The following GPHN variants were observed in gnomAD, a reference collection of about 807,000 sequenced individuals.
GPHN encodes gephyrin.
Under a neutral mutation model 95.5 loss-of-function variants are expected in GPHN, and 17 were observed. The ratio of observed to expected loss-of-function variants is 0.18; its 90% CI spans 0.12 to 0.27. GPHN has a LOEUF of 0.27. GPHN is among the 10% of genes least tolerant of loss of function. The probability of loss-of-function intolerance (pLI) is 1.00; values close to 1 mark genes in which losing one functional copy is unlikely to be tolerated. For missense variants in GPHN, 660 were observed against 978.1 expected (o/e 0.67, Z 4.34); for synonymous variants, 320 against 322.5 (o/e 0.99, Z 0.08).
At chr14:66,879,885 T>C in intron 4 of GPHN, 54 bp from the exon 5 acceptor site, 1 of 1,120,072 alleles carries the variant, frequency 8.9e-7, no homozygotes, top group Non-Finnish European at 1.4e-6. Context: ...CTAGTCTGAC[T>C]TCATTCTTTT....
At chr14:67,367,936 C>T in the GPHN span, among the ~76,000 whole-genome samples, 6 of 151,880 alleles carry the variant, frequency 4.0e-5, no homozygotes, top group African/African-American at 1.5e-4. Context: ...CTATTTTTGC[C>T]CTTCTTAGTT....
the GPHN span, among the ~76,000 whole-genome samples, chr14:67,665,959 G>A: frequency 6.6e-6 from 1 of 152,152 alleles, no homozygotes; most frequent in Non-Finnish European, 1.5e-5. Flanking sequence ...TGTTCCTGAG[G>A]GGGATGTGTT....
chr14:66,603,588 T>A lies in GPHN; in HGVS notation c.65-77519T>A, dbSNP rs566076001. ...TGCTAAGTATTTTTATGTAGCTTTT[T>A]ATACACAATTCCTATTTTTGTATGG... On this transcript the variant is annotated intron_variant, in intron 1 of 22. Transcript: ENST00000478722. Among the ~76,000 whole-genome samples, 6 of 152,154 alleles carry A rather than the reference T, an allele frequency of 3.9e-5. 1 individual carries two copies. The South Asian group carries it at 1.2e-3, about 32-fold the overall frequency.
At chr14:67,497,435 C>T in the GPHN span, among the ~76,000 whole-genome samples, 5 of 152,008 alleles carry the variant, frequency 3.3e-5, no homozygotes, top group African/African-American at 9.7e-5. Flanking sequence ...GAAGAACTGA[C>T]GGGCAGCTCC....
chr14:67,007,952 T>C (rs1441379265), intron 9 of GPHN, among the ~76,000 whole-genome samples: 3 of 152,038 alleles, frequency 2.0e-5, no homozygotes. Flanking sequence ...ATTTAAAGGG[T>C]AGGTCACTTG....
At chr14:66,654,881 C>T (rs960409189) in intron 1 of GPHN, among the ~76,000 whole-genome samples, 1 of 152,126 alleles carries the variant, frequency 6.6e-6, no homozygotes, top group East Asian at 1.9e-4. Context: ...TGCTCCAGCA[C>T]CATTTGTTGA....
intron 4 of GPHN, among the ~76,000 whole-genome samples, chr14:66,834,119 A>G (rs1485617351): frequency 2.0e-5 from 3 of 152,050 alleles, no homozygotes; most frequent in African/African-American, 7.2e-5. Context: ...ACTTGTCCTA[A>G]TTTTGCTCTT....
At chr14:67,402,134 A>C in the GPHN span, among the ~76,000 whole-genome samples, 1 of 152,170 alleles carries the variant, frequency 6.6e-6, no homozygotes, top group African/African-American at 2.4e-5. Flanking sequence ...AGTCCATCTC[A>C]AACAACAACA....
intron 10 of GPHN, among the ~76,000 whole-genome samples, chr14:67,049,548 C>T (rs551300892): frequency 2.1e-5 from 3 of 145,136 alleles, no homozygotes; most frequent in Admixed American, 1.4e-4. Flanking sequence ...GAGTCTCGCT[C>T]TGTTGCCAGG....
intron 21 of GPHN, among the ~76,000 whole-genome samples, 192 bp from the exon 22 acceptor site, chr14:67,179,385 CA>C (rs1011745043): frequency 6.6e-6 from 1 of 151,464 alleles, no homozygotes; most frequent in Non-Finnish European, 1.5e-5. Context: ...GACCTTGTGT[CA>C]AAAGAAAAAA....
intron 1 of GPHN, among the ~76,000 whole-genome samples, chr14:66,632,202 A>T (rs2063843634): frequency 6.6e-6 from 1 of 152,164 alleles, no homozygotes. Context: ...AGATAGTGTA[A>T]GTGATGCACT....
chr14:66,709,928 TAA>T (rs372126699), intron 2 of GPHN, among the ~76,000 whole-genome samples: 1 of 143,482 alleles, frequency 7.0e-6, no homozygotes. Flanking sequence ...TTGATGCCAT[TAA>T]AAAAAAAAAA....
intron 1 of GPHN, among the ~76,000 whole-genome samples, chr14:66,629,696 T>G (rs986666724): frequency 2.6e-5 from 4 of 152,200 alleles, no homozygotes; most frequent in Non-Finnish European, 5.9e-5. Context: ...ACCACAGTCA[T>G]GTAGGAATGC....
intron 4 of GPHN, among the ~76,000 whole-genome samples, chr14:66,848,519 C>T (rs1489652009): frequency 6.6e-6 from 1 of 152,050 alleles, no homozygotes; most frequent in South Asian, 2.1e-4. Flanking sequence ...CTTTTACCAA[C>T]AAGAAAACTG....
At chr14:66,894,833 G>A (rs1304769848) in intron 5 of GPHN, among the ~76,000 whole-genome samples, 1 of 152,162 alleles carries the variant, frequency 6.6e-6, no homozygotes, top group Non-Finnish European at 1.5e-5. Flanking sequence ...AGTTAGAATG[G>A]CGATCATTAA....
chr14:67,678,274 T>C, the GPHN span: 1 of 1,169,402 alleles, frequency 8.6e-7, no homozygotes, highest in African/African-American at 1.5e-5. Flanking sequence ...CAAGAAGTAC[T>C]GTGTAGTCTG....
chr14:67,113,281 G>A (rs1030238324), intron 16 of GPHN, 110 bp downstream of exon 16: 7 of 1,003,210 alleles, frequency 7.0e-6, no homozygotes, highest in African/African-American at 3.2e-5. Context: ...GATCATACCA[G>A]TGGATCCACA....
At chr14:67,061,241 A>G (rs1390704174) in intron 11 of GPHN, among the ~76,000 whole-genome samples, 3 of 152,012 alleles carry the variant, frequency 2.0e-5, no homozygotes, top group East Asian at 1.9e-4. Flanking sequence ...GGGTTTCTCC[A>G]TGTTGGTCAG....
At chr14:66,595,122 G>A (rs2061918286) in intron 1 of GPHN, among the ~76,000 whole-genome samples, 3 of 152,140 alleles carry the variant, frequency 2.0e-5, no homozygotes, top group Admixed American at 2.0e-4. Flanking sequence ...CTGTTAGAGT[G>A]GCTACTTTAA....
Sources: allele counts gnomAD v4.1 joint callset (sites outside exome capture counted in the v4.1 genomes callset), GRCh38; gene constraint gnomAD v4.1.1; transcripts MANE v1.5; gene names NCBI Gene and HGNC (gene_info 2026-07-23, HGNC 2026-07-21).